RBL1: variants seen among roughly 807,000 people sequenced by gnomAD.
RBL1 encodes the protein retinoblastoma-like protein 1.
A neutral mutation model predicts 123.0 loss-of-function variants in RBL1; 82 were observed. That is an observed-to-expected ratio of 0.67 (90% CI 0.56 to 0.80). RBL1 has a LOEUF of 0.80. RBL1 is among the 30% of genes least tolerant of loss of function. RBL1 has a pLI of 0.00. For missense variants in RBL1, 1,171 were observed against 1,299.6 expected, an observed-to-expected ratio of 0.90 and a Z score of 1.52; for synonymous variants, 405 against 441.3, an observed-to-expected ratio of 0.92 and a Z score of 1.03.
intron 13 of RBL1, among the ~76,000 whole-genome samples, chr20:37,041,748 GA>G (rs1286871589): frequency 2.6e-5 from 4 of 151,932 alleles, no homozygotes; most frequent in Non-Finnish European, 5.9e-5. Flanking sequence ...AGAAGCAAAA[GA>G]AAAAATATCT....
At chr20:37,010,875 G>C (rs1171151871) in intron 19 of RBL1, among the ~76,000 whole-genome samples, 1 of 152,148 alleles carries the variant, frequency 6.6e-6, no homozygotes, top group African/African-American at 2.4e-5. Context: ...AAGTGCAGTG[G>C]TGCAATCATA....
intron 21 of RBL1, among the ~76,000 whole-genome samples, chr20:37,002,040 AT>A (rs1177957515): frequency 9.3e-6 from 1 of 107,660 alleles, no homozygotes; most frequent in African/African-American, 5.6e-5. Flanking sequence ...AGCATCTAGA[AT>A]TTTTTATTTT....
intron 19 of RBL1, among the ~76,000 whole-genome samples, chr20:37,015,972 T>A (rs2146217522): frequency 6.7e-6 from 1 of 149,388 alleles, no homozygotes; most frequent in Non-Finnish European, 1.5e-5. Context: ...TCCACCCGCC[T>A]CGGCCTCCCA....
chr20:37,037,988 G>GTTTTTTT (rs57647591), intron 14 of RBL1, among the ~76,000 whole-genome samples: 1 of 83,600 alleles, frequency 1.2e-5, no homozygotes, highest in Non-Finnish European at 2.2e-5. Flanking sequence ...CCCGGCCATT[G>GTTTTTTT]TTTTTTTTTT....
At chr20:37,005,115 A>G (rs1165906673) in intron 20 of RBL1, among the ~76,000 whole-genome samples, 2 of 152,044 alleles carry the variant, frequency 1.3e-5, no homozygotes, top group Admixed American at 6.6e-5. Context: ...TCATGCTTAA[A>G]AAGTAAGGAC....
intron 7 of RBL1, among the ~76,000 whole-genome samples, chr20:37,063,571 G>A (rs2065130394): frequency 6.6e-6 from 1 of 152,022 alleles, no homozygotes; most frequent in Non-Finnish European, 1.5e-5. Context: ...GAGTGCAATG[G>A]TGTGATCTGG....
chr20:37,063,253 C>A (rs1454214978), intron 7 of RBL1, among the ~76,000 whole-genome samples: 4 of 151,850 alleles, frequency 2.6e-5, no homozygotes, highest in Admixed American at 2.6e-4. Context: ...AGTTTTTGTA[C>A]TTTCAGTAGA....
chr20:37,079,191 C>A (rs1320079081), intron 2 of RBL1, among the ~76,000 whole-genome samples: 2 of 145,904 alleles, frequency 1.4e-5, no homozygotes, highest in African/African-American at 2.5e-5. Context: ...CAGAGTAAGA[C>A]CCTGTCTCAG....
At position 37,040,286 on chromosome 20, in the gene RBL1, C is replaced by T. The variant is rs1475116329; in HGVS notation, c.1771-1G>A. Reference sequence around the variant, plus strand: ...TTTCAAAGTTATTTGGGAATATAACCTGTAGAAAACAAAAACCCTTTGATT... The same window carrying T: ...TTTCAAAGTTATTTGGGAATATAACTTGTAGAAAACAAAAACCCTTTGATT... On this transcript the variant is annotated splice_acceptor_variant, in intron 13 of 21. Transcript: ENST00000373664. LOFTEE classifies it high-confidence loss of function. 6.2e-7 allele frequency: 1 copy of T among 1,611,400 alleles called. No individual in the cohort carries two copies. The highest frequency in any genetic ancestry group is 1.3e-5 in the African/African-American group (1 of 74,820).
intron 18 of RBL1, among the ~76,000 whole-genome samples, chr20:37,019,218 T>C (rs1180487224): frequency 1.3e-5 from 2 of 151,996 alleles, no homozygotes; most frequent in Admixed American, 1.3e-4. Context: ...CCAGAGTCAT[T>C]TGTTCTTAAT....
At chr20:37,011,029 A>G (rs2064140790) in intron 19 of RBL1, among the ~76,000 whole-genome samples, 1 of 152,020 alleles carries the variant, frequency 6.6e-6, no homozygotes, top group Non-Finnish European at 1.5e-5. Context: ...TGTGTTGCTC[A>G]TGCTGGTCTT....
At chr20:37,087,460 G>A (rs944312389) in intron 2 of RBL1, among the ~76,000 whole-genome samples, 7 of 152,142 alleles carry the variant, frequency 4.6e-5, no homozygotes, top group Admixed American at 2.0e-4. Context: ...GGTGGCACAT[G>A]ATTGTAGTCT....
chr20:37,054,819 G>A (rs2064977120), intron 11 of RBL1, among the ~76,000 whole-genome samples: 2 of 151,420 alleles, frequency 1.3e-5, no homozygotes, highest in Non-Finnish European at 2.9e-5. Context: ...AACAGAGCAA[G>A]ACTCAGTCTA....
chr20:37,089,424 G>A (rs2065611096), intron 1 of RBL1, among the ~76,000 whole-genome samples: 1 of 151,806 alleles, frequency 6.6e-6, no homozygotes, highest in Admixed American at 6.6e-5. Context: ...GCTGAGGTGC[G>A]AGTATCACTT....
intron 16 of RBL1, 137 bp from the exon 17 acceptor site, chr20:37,022,963 T>C: frequency 1.5e-6 from 1 of 682,818 alleles, no homozygotes; most frequent in South Asian, 2.5e-5. Context: ...TCTATAGCAC[T>C]AGTTCACTGC....
intron 13 of RBL1, among the ~76,000 whole-genome samples, chr20:37,042,873 T>C (rs1397302211): frequency 8.0e-6 from 1 of 124,488 alleles, no homozygotes; most frequent in African/African-American, 3.2e-5. Flanking sequence ...CACTCCAGCC[T>C]GGGTGACAGA....
rs753145984 is a variant in RBL1 at position 37,065,447 on chromosome 20, G to A, written c.873C>T (p.Asp291=). Residue 291 remains aspartate, a synonymous_variant, in exon 7 of 22, where the codon GAC becomes GAT. Coordinates refer to ENST00000373664, the MANE Select transcript of RBL1 (RefSeq NM_002895.5). ...ACCTATTATCAGTAAAACTTGAAAGGTCCAGGAGGCATTCTCCTTTTAATA... is the reference window on the plus strand; with the variant it reads ...ACCTATTATCAGTAAAACTTGAAAGATCCAGGAGGCATTCTCCTTTTAATA... ...RKILKGECLL[D]LSSFTDNSKA... is the part of the protein sequence containing the mutation. 52 of 1,596,300 alleles carry A rather than the reference G, an allele frequency of 3.3e-5. No homozygotes were observed. The South Asian group carries it at 5.5e-4, about 17-fold the overall frequency.
chr20:37,003,694 C>A lies in RBL1; in HGVS notation c.3036+8G>T. 6.3e-7 allele frequency: 1 copy of A among 1,590,582 alleles called. No individual in the cohort carries two copies. Among genetic ancestry groups the A allele is most frequent in the Non-Finnish European group, 8.6e-7 (1 of 1,168,380 alleles). ...TCTGAAATCCAACTTTTAGCCTATT[C>A]ACCTTACCTTAGAAGGGCTGCCATT... is the stretch of plus-strand genomic sequence containing the variant. On this transcript the variant is annotated splice_region_variant and intron_variant, in intron 21 of 21. Coordinates refer to ENST00000373664, the MANE Select transcript of RBL1 (RefSeq NM_002895.5).
intron 9 of RBL1, among the ~76,000 whole-genome samples, 179 bp from the exon 10 acceptor site, chr20:37,056,437 C>T (rs2065008925): frequency 6.6e-6 from 1 of 150,460 alleles, no homozygotes; most frequent in Admixed American, 6.7e-5. Context: ...TCACTGCAAC[C>T]TCTTCCTCCA....
Sources: gnomAD v4.1 joint callset for allele counts (sites outside exome capture counted in the v4.1 genomes callset) on GRCh38, gnomAD v4.1.1 for gene constraint, MANE v1.5 for transcripts, NCBI Gene and HGNC (gene_info 2026-07-23, HGNC 2026-07-21) for gene names.